Variants in ENKUR observed in about 807,000 individuals in gnomAD.
ENKUR encodes the protein enkurin.
A neutral mutation model predicts 27.6 loss-of-function variants in ENKUR; 19 were observed. That is an observed-to-expected ratio of 0.69 (90% CI 0.48 to 1.01). The LOEUF is 1.01. ENKUR is among the 50% of genes least tolerant of loss of function. The pLI, the probability that ENKUR is intolerant of heterozygous loss-of-function variation, is 0.00. For missense variants in ENKUR, 312 were observed against 310.5 expected (o/e 1.00, Z -0.04); for synonymous variants, 117 against 96.9 (o/e 1.21, Z -1.22).
intron 4 of ENKUR, among the ~76,000 whole-genome samples, chr10:24,986,610 A>T (rs920424595): frequency 2.0e-5 from 3 of 152,186 alleles, no homozygotes; most frequent in African/African-American, 7.2e-5. Context: ...AAGGTTTTTC[A>T]TAGCTAGTTG....
intron 3 of ENKUR, 147 bp from the exon 4 acceptor site, chr10:24,990,756 T>C: frequency 2.5e-6 from 2 of 793,108 alleles, no homozygotes; most frequent in Non-Finnish European, 3.7e-6. Flanking sequence ...TTCAGTGACT[T>C]TTTTCCCTCC....
chr10:25,051,129 A>G (rs556356985), intron 2 of ENKUR, among the ~76,000 whole-genome samples: 3 of 152,220 alleles, frequency 2.0e-5, no homozygotes, highest in Non-Finnish European at 4.4e-5. Flanking sequence ...ACGACCGTAT[A>G]AAACTGAATG....
intron 4 of ENKUR, among the ~76,000 whole-genome samples, chr10:24,987,561 C>T (rs1374259036): frequency 6.6e-6 from 1 of 152,142 alleles, no homozygotes; most frequent in Non-Finnish European, 1.5e-5. Context: ...TGCACTCCAG[C>T]CTAGGCAACA....
At chr10:25,055,922 G>A (rs777645729) in intron 2 of ENKUR, among the ~76,000 whole-genome samples, 76 of 142,978 alleles carry the variant, frequency 5.3e-4, no homozygotes, top group Admixed American at 1.5e-3. Flanking sequence ...TTCTGCAGTC[G>A]TTGTTTTCTG....
intron 1 of ENKUR, among the ~76,000 whole-genome samples, chr10:25,007,412 T>A (rs1355222921): frequency 6.6e-6 from 1 of 151,870 alleles, no homozygotes; most frequent in Non-Finnish European, 1.5e-5. Flanking sequence ...TATGTATAGG[T>A]TTCTTATTTA....
intron 2 of ENKUR, among the ~76,000 whole-genome samples, chr10:25,056,310 G>T (rs1851255401): frequency 6.6e-6 from 1 of 152,202 alleles, no homozygotes; most frequent in South Asian, 2.1e-4. Flanking sequence ...TACCCCAGAA[G>T]TTCTCAGCTC....
intron 2 of ENKUR, among the ~76,000 whole-genome samples, chr10:25,035,815 T>G (rs1851000950): frequency 6.6e-6 from 1 of 152,214 alleles, no homozygotes. Flanking sequence ...GAACAGAATA[T>G]TCTTATCTGT....
intron 2 of ENKUR, chr10:25,025,670 A>G (rs534764395): frequency 5.8e-6 from 3 of 520,836 alleles, no homozygotes; most frequent in Admixed American, 7.2e-5. Context: ...CAGTGCACGG[A>G]CCTTTGAGCT....
intron 2 of ENKUR, among the ~76,000 whole-genome samples, chr10:25,040,016 T>G (rs1044704980): frequency 6.3e-5 from 3 of 47,678 alleles, no homozygotes; most frequent in Non-Finnish European, 1.3e-4. Flanking sequence ...CGTACTCTGT[T>G]CTTCTCTGTG....
At chr10:25,061,242 T>C in exon 2 of ENKUR, 1 of 1,111,852 alleles carries the variant, frequency 9.0e-7, no homozygotes, top group South Asian at 1.3e-5. Flanking sequence ...TTTGCAGCTA[T>C]ATGGTTGATG....
At chr10:25,024,250 T>C (rs1850792476) in intron 2 of ENKUR, 1 of 1,614,104 alleles carries the variant, frequency 6.2e-7, no homozygotes, top group South Asian at 1.1e-5. Context: ...CCTGGAGTTG[T>C]TTCATGGACC....
chr10:25,030,076 T>C (rs144786781), intron 2 of ENKUR, among the ~76,000 whole-genome samples: 209 of 152,298 alleles, frequency 1.4e-3, no homozygotes, highest in Non-Finnish European at 2.2e-3. Context: ...ATTTCCCCTC[T>C]TGAGTGCCTT....
chr10:24,994,418 C>T (rs1849996947), intron 3 of ENKUR, among the ~76,000 whole-genome samples: 1 of 151,686 alleles, frequency 6.6e-6, no homozygotes, highest in South Asian at 2.1e-4. Flanking sequence ...ACTGCAACCC[C>T]CGCCTCCTGG....
chr10:25,059,483 T>A (rs1184063340), intron 2 of ENKUR, among the ~76,000 whole-genome samples: 1 of 152,258 alleles, frequency 6.6e-6, no homozygotes, highest in South Asian at 2.1e-4. Flanking sequence ...GATCTGTATA[T>A]AACATAAAAA....
At chr10:25,032,127 C>T (rs7094735) in intron 2 of ENKUR, among the ~76,000 whole-genome samples, 2,538 of 152,258 alleles carry the variant, frequency 0.017, 94 homozygotes, top group African/African-American at 0.058. Context: ...ATTTAATTTT[C>T]AAGTAGCAAG....
Position 24,984,563 on chromosome 10 carries a change from C to G in ENKUR, c.764+173G>C, listed in dbSNP as rs996885606. On this transcript the variant is annotated intron_variant, in intron 5 of 5. Coordinates refer to ENST00000331161, the MANE Select transcript of ENKUR (RefSeq NM_145010.4). ...GACACTAGTAAAAACAAAATTTCTTCTTGTGTAAGTGAATAACTCAATTAT... is the reference window on the plus strand; with the variant it reads ...GACACTAGTAAAAACAAAATTTCTTGTTGTGTAAGTGAATAACTCAATTAT... 3 of 1,039,462 alleles carry G rather than the reference C, an allele frequency of 2.9e-6. No individual in the cohort carries two copies. The African/African-American group carries it at 4.9e-5, about 17-fold the overall frequency. The allele number at this position is 1,039,462 out of a possible 1,614,324, so 64.4% of individuals were successfully genotyped here. A position where few individuals can be genotyped will look rare whatever the true frequency, so the allele number is the denominator to read the frequency against.
intron 2 of ENKUR, among the ~76,000 whole-genome samples, chr10:25,033,915 A>C (rs550983819): frequency 2.6e-5 from 4 of 151,940 alleles, no homozygotes; most frequent in African/African-American, 9.7e-5. Flanking sequence ...ACGTACATCT[A>C]TCTCTCTCTC....
chr10:24,993,835 C>T (rs1409842720), intron 3 of ENKUR, among the ~76,000 whole-genome samples: 2 of 152,122 alleles, frequency 1.3e-5, no homozygotes, highest in Admixed American at 1.3e-4. Flanking sequence ...GCTTAGAGAG[C>T]AGCCAGAAGG....
At chr10:25,014,314 T>C (rs1220435730) in intron 1 of ENKUR, among the ~76,000 whole-genome samples, 1 of 152,164 alleles carries the variant, frequency 6.6e-6, no homozygotes, top group Non-Finnish European at 1.5e-5. Flanking sequence ...CTAACAGAAA[T>C]GATTCTTTTG....
Sources: allele counts gnomAD v4.1 joint callset (sites outside exome capture counted in the v4.1 genomes callset), GRCh38; gene constraint gnomAD v4.1.1; transcripts MANE v1.5; gene names NCBI Gene and HGNC (gene_info 2026-07-23, HGNC 2026-07-21).